The following PLA2G7 variants were observed in gnomAD, a reference collection of about 807,000 sequenced individuals.
PLA2G7 encodes platelet-activating factor acetylhydrolase.
PLA2G7 carries 63 observed loss-of-function variants against 49.6 expected under a neutral mutation model. The observed-to-expected ratio is 1.27, with a 90% CI of 1.04 to 1.57. The LOEUF (loss-of-function observed/expected upper bound fraction) is 1.57, where lower values mean the gene tolerates loss of function less well. PLA2G7 is among the 40% of genes most tolerant of loss of function. PLA2G7 has a pLI of 0.00. For synonymous variants in PLA2G7, 193 were observed against 169.9 expected (o/e 1.14, Z -1.06); for missense variants, 596 against 521.2 (o/e 1.14, Z -1.40).
At chr6:46,716,913 G>T (rs1002510305) in intron 3 of PLA2G7, 62 bp downstream of exon 3, 21 of 1,534,288 alleles carry the variant, frequency 1.4e-5, no homozygotes, top group Non-Finnish European at 1.7e-5. Flanking sequence ...ACACCTTCTA[G>T]TGGTCCATAG....
intron 4 of PLA2G7, 51 bp from the exon 5 acceptor site, chr6:46,714,604 T>A (rs746055089): frequency 1.9e-6 from 2 of 1,044,656 alleles, no homozygotes; most frequent in African/African-American, 3.1e-5. Context: ...GTGTTGCTAG[T>A]GAATTTAATT....
At position 46,704,478 on chromosome 6, in the gene PLA2G7, T is replaced by TCTCTCTCA. The variant is rs1441279240; in HGVS notation, c.*81_*82insTGAGAGAG. ...CTCTCTCTCTCTCTCTCTCTCTCTC[T>TCTCTCTCA]CACACACACACACACACACACACAC... is the stretch of plus-strand genomic sequence containing the variant. On this transcript the variant is annotated 3_prime_UTR_variant, in exon 12 of 12. Coordinates refer to ENST00000274793, the MANE Select transcript of PLA2G7 (RefSeq NM_005084.4). 1,146 of 87,020 alleles carry TCTCTCTCA rather than the reference T, an allele frequency of 0.013. 2 individuals are homozygous for TCTCTCTCA. Among genetic ancestry groups the TCTCTCTCA allele is most frequent in the Non-Finnish European group, 0.018 (794 of 43,896 alleles). The allele number at this position is 87,020 out of a possible 1,614,324, so 5.4% of individuals were successfully genotyped here. A position where few individuals can be genotyped will look rare whatever the true frequency, so the allele number is the denominator to read the frequency against.
chr6:46,717,190 T>C (rs1416862116), intron 2 of PLA2G7, 94 bp from the exon 3 acceptor site: 2 of 1,148,144 alleles, frequency 1.7e-6, no homozygotes, highest in East Asian at 2.4e-5. Flanking sequence ...TTACTTCCCA[T>C]AGTTTCTGGC....
At chr6:46,722,957 G>A (rs1582582195) in intron 1 of PLA2G7, 32 bp from the exon 2 acceptor site, 2 of 914,414 alleles carry the variant, frequency 2.2e-6, no homozygotes, top group South Asian at 2.8e-5. Context: ...GAAAAAAGAA[G>A]TATGCAATGA....
intron 4 of PLA2G7, 35 bp downstream of exon 4, chr6:46,716,349 A>G: frequency 1.2e-6 from 2 of 1,611,284 alleles, no homozygotes; most frequent in Non-Finnish European, 1.7e-6. Context: ...TCATACATGC[A>G]AGAGCCTACA....
Position 46,708,122 on chromosome 6 carries a change from A to G in PLA2G7, c.909T>C (p.Gly303=). 6.2e-7 allele frequency: 1 copy of G among 1,612,252 alleles called. No homozygotes were observed. The highest frequency in any genetic ancestry group is 8.5e-7 in the Non-Finnish European group (1 of 1,178,468). Residue 303 remains glycine, a synonymous_variant, in exon 10 of 12, where the codon GGT becomes GGC. Transcript: ENST00000274793. The part of the protein sequence containing the change: ...IALDAWMFPL[G]DEVYSRIPQP... ...GAGGAATTCTGGAATATACTTCATC[A>G]CCCAGTGGAAACATCCATGCATCCA...
At chr6:46,706,748 A>C (rs528779888) in intron 10 of PLA2G7, among the ~76,000 whole-genome samples, 96 of 152,344 alleles carry the variant, frequency 6.3e-4, no homozygotes, top group Non-Finnish European at 9.7e-4. Flanking sequence ...GTAAGGAAAT[A>C]GGGTTGAGGG....
At chr6:46,731,981 A>G (rs1358110619) in intron 1 of PLA2G7, among the ~76,000 whole-genome samples, 1 of 152,122 alleles carries the variant, frequency 6.6e-6, no homozygotes, top group East Asian at 1.9e-4. Context: ...CATTCTCCAC[A>G]TAGCACCCAG....
chr6:46,729,350 A>G (rs1052321028), intron 1 of PLA2G7, among the ~76,000 whole-genome samples: 2 of 152,190 alleles, frequency 1.3e-5, no homozygotes, highest in Admixed American at 6.5e-5. Context: ...AAACATCCAA[A>G]TGCACTAGTG....
In PLA2G7 at chr6:46,717,051, C is replaced by T; in HGVS notation, c.155G>A (p.Gly52Asp). The T allele has an allele frequency of 1.2e-6, 2 of 1,613,788 alleles. No homozygotes were observed. The highest frequency in any genetic ancestry group is 1.7e-6 in the Non-Finnish European group (2 of 1,179,706). ...IQVLMAAASF[G>D]QTKIPRGNGP... is the part of the protein sequence containing the mutation. ...ATTTCCCCGGGGGATTTTAGTTTGGCCAAAGCTTGCAGCAGCCATCAGTAC... is the reference window on the plus strand; with the variant it reads ...ATTTCCCCGGGGGATTTTAGTTTGGTCAAAGCTTGCAGCAGCCATCAGTAC... The change falls in exon 3 of 12, where the codon GGC becomes GAC. Residue 52 changes from glycine to aspartate, a missense_variant. Transcript: ENST00000274793.
intron 11 of PLA2G7, 65 bp from the exon 12 acceptor site, chr6:46,704,761 C>T: frequency 1.0e-6 from 1 of 982,780 alleles, no homozygotes; most frequent in South Asian, 1.3e-5. Flanking sequence ...TTTGGTGCCC[C>T]TAGGTGGCAA....
intron 2 of PLA2G7, among the ~76,000 whole-genome samples, chr6:46,721,098 T>C (rs1765386128): frequency 6.6e-6 from 1 of 152,226 alleles, no homozygotes; most frequent in African/African-American, 2.4e-5. Context: ...TGGAGTGCAG[T>C]GGTGCAATCT....
intron 3 of PLA2G7, 92 bp downstream of exon 3, chr6:46,716,883 G>A: frequency 1.5e-6 from 2 of 1,306,156 alleles, no homozygotes; most frequent in Non-Finnish European, 2.2e-6. Flanking sequence ...ATTCTCAGGT[G>A]AGGGCAAGGT....
chr6:46,712,943 T>C (rs554145860), intron 5 of PLA2G7, among the ~76,000 whole-genome samples: 14 of 152,352 alleles, frequency 9.2e-5, no homozygotes, highest in African/African-American at 2.9e-4. Flanking sequence ...GTTAGCTGTG[T>C]ACCTTTAATA....
chr6:46,719,607 A>G (rs916991911), intron 2 of PLA2G7, among the ~76,000 whole-genome samples: 2 of 152,192 alleles, frequency 1.3e-5, no homozygotes, highest in Admixed American at 6.5e-5. Flanking sequence ...TTGGAGGGAC[A>G]TGGTTCTATT....
chr6:46,728,784 T>C (rs982731399), intron 1 of PLA2G7, among the ~76,000 whole-genome samples: 1 of 152,230 alleles, frequency 6.6e-6, no homozygotes, highest in Non-Finnish European at 1.5e-5. Context: ...GAGTGTTGTA[T>C]GCATAAATGG....
At chr6:46,709,472 A>G in intron 8 of PLA2G7, 54 bp from the exon 9 acceptor site, 1 of 989,164 alleles carries the variant, frequency 1.0e-6, no homozygotes, top group South Asian at 1.3e-5. Context: ...GTTAGAAGAA[A>G]TGATTTTGTC....
intron 3 of PLA2G7, 114 bp from the exon 4 acceptor site, chr6:46,716,642 G>C (rs1765211514): frequency 9.3e-7 from 1 of 1,080,308 alleles, no homozygotes; most frequent in Admixed American, 2.1e-5. Flanking sequence ...TTCACAAAAA[G>C]GTCTAAAGAA....
chr6:46,707,853 A>T, intron 10 of PLA2G7, 138 bp downstream of exon 10: 1 of 616,972 alleles, frequency 1.6e-6, no homozygotes, highest in Non-Finnish European at 2.9e-6. Context: ...TTAGAAACTG[A>T]GATTATCTAA....
Sources: gnomAD v4.1 joint callset for allele counts (sites outside exome capture counted in the v4.1 genomes callset) on GRCh38, gnomAD v4.1.1 for gene constraint, MANE v1.5 for transcripts, NCBI Gene and HGNC (gene_info 2026-07-23, HGNC 2026-07-21) for gene names.